Variants in PRKG1 observed in about 807,000 individuals in gnomAD.
The protein encoded by PRKG1 is cGMP-dependent protein kinase 1.
PRKG1 carries 35 observed loss-of-function variants against 88.1 expected under a neutral mutation model. The observed-to-expected ratio is 0.40, with a 90% confidence interval of 0.30 to 0.53. The LOEUF is 0.53. PRKG1 is among the 20% of genes least tolerant of loss of function. PRKG1 has a pLI of 0.59. For synonymous variants in PRKG1, 303 were observed against 292.5 expected (o/e 1.04, Z -0.37); for missense variants, 540 against 839.8 (o/e 0.64, Z 4.41).
chr10:51,931,438 AC>A (rs1241903601), intron 5 of PRKG1, among the ~76,000 whole-genome samples: 1 of 152,076 alleles, frequency 6.6e-6, no homozygotes, highest in East Asian at 1.9e-4. Context: ...ACATAGCGAG[AC>A]CCCCATCGCT....
intron 3 of PRKG1, among the ~76,000 whole-genome samples, chr10:51,506,321 A>C (rs962827661): frequency 1.3e-5 from 2 of 152,080 alleles, no homozygotes; most frequent in East Asian, 1.9e-4. Flanking sequence ...TAATTAAACT[A>C]AAGAGCTTCT....
intron 1 of PRKG1, among the ~76,000 whole-genome samples, chr10:51,088,647 A>C (rs2131860899): frequency 6.6e-6 from 1 of 151,988 alleles, no homozygotes; most frequent in South Asian, 2.1e-4. Context: ...TTTTTTCCAT[A>C]TCCATCAGAG....
At position 52,109,034 on chromosome 10, in the gene PRKG1, G is replaced by T. The variant is rs1039959944; in HGVS notation, c.936-24806G>T. Among the ~76,000 whole-genome samples the T allele has an allele frequency of 2.0e-5, 3 of 151,828 alleles. No homozygotes were observed. In the East Asian group the frequency reaches 5.8e-4, roughly 29 times the overall value. ...GTAGAGACTGGGTTTCACCATATTG[G>T]CCAGGCTGGTCTTGAACTCCTGACC... On this transcript the variant is annotated intron_variant, in intron 7 of 17. Transcript: ENST00000373980.
chr10:52,087,414 C>CT (rs1564463478), intron 7 of PRKG1, among the ~76,000 whole-genome samples: 1 of 152,132 alleles, frequency 6.6e-6, no homozygotes, highest in East Asian at 1.9e-4. Flanking sequence ...GAAAATTTAT[C>CT]TTTTTTTGAG....
intron 3 of PRKG1, among the ~76,000 whole-genome samples, chr10:51,657,235 C>T (rs1840183053): frequency 6.6e-6 from 1 of 152,050 alleles, no homozygotes; most frequent in African/African-American, 2.4e-5. Flanking sequence ...TCTACCTATC[C>T]TTCAAACTCT....
chr10:51,068,965 A>AC (rs1554833555), intron 1 of PRKG1, among the ~76,000 whole-genome samples: 4 of 151,804 alleles, frequency 2.6e-5, no homozygotes, highest in Admixed American at 6.6e-5. Flanking sequence ...ATTTTTCTTG[A>AC]TTTTTTTTCT....
At chr10:51,482,937 C>T (rs1298278679) in intron 3 of PRKG1, among the ~76,000 whole-genome samples, 3 of 151,868 alleles carry the variant, frequency 2.0e-5, no homozygotes, top group East Asian at 3.9e-4. Flanking sequence ...TCTTCCTGTT[C>T]CAGGACAACC....
At chr10:52,179,595 G>A (rs1463665164) in intron 9 of PRKG1, among the ~76,000 whole-genome samples, 1 of 152,102 alleles carries the variant, frequency 6.6e-6, no homozygotes, top group East Asian at 1.9e-4. Flanking sequence ...GAATATATTT[G>A]GGGATCTTCA....
chr10:51,204,496 A>G (rs1452282154), intron 2 of PRKG1, among the ~76,000 whole-genome samples: 1 of 151,734 alleles, frequency 6.6e-6, no homozygotes, highest in African/African-American at 2.4e-5. Context: ...TACTTGTTCT[A>G]TGCTTTTTGT....
At chr10:52,095,408 T>G (rs1847149940) in intron 7 of PRKG1, among the ~76,000 whole-genome samples, 1 of 152,196 alleles carries the variant, frequency 6.6e-6, no homozygotes, top group African/African-American at 2.4e-5. Context: ...TCCATAGTAC[T>G]TATACTTTGA....
chr10:52,007,189 G>C (rs1374035556), intron 5 of PRKG1, among the ~76,000 whole-genome samples: 1 of 152,124 alleles, frequency 6.6e-6, no homozygotes, highest in Non-Finnish European at 1.5e-5. Context: ...ACACAGACAA[G>C]TAAACTATAA....
At chr10:51,000,803 C>T (rs1268559944) in intron 1 of PRKG1, among the ~76,000 whole-genome samples, 1 of 151,672 alleles carries the variant, frequency 6.6e-6, no homozygotes, top group East Asian at 1.9e-4. Context: ...AATAAGGGTA[C>T]ACAAGAAAGT....
chr10:51,496,433 G>T (rs746909559), intron 3 of PRKG1, among the ~76,000 whole-genome samples: 10 of 152,156 alleles, frequency 6.6e-5, no homozygotes, highest in Non-Finnish European at 1.2e-4. Context: ...TTTGTAACCA[G>T]CTCTACAGAG....
chr10:51,627,962 C>CTT (rs1281947383), intron 3 of PRKG1, among the ~76,000 whole-genome samples: 2 of 17,078 alleles, frequency 1.2e-4, no homozygotes, highest in African/African-American at 2.8e-4. Flanking sequence ...TTCTTTCTTT[C>CTT]TTTCTTTCTC....
chr10:51,426,281 A>AAAAT (rs1429835745), intron 2 of PRKG1, among the ~76,000 whole-genome samples: 1 of 152,120 alleles, frequency 6.6e-6, no homozygotes, highest in African/African-American at 2.4e-5. Context: ...ACTCTGTCTC[A>AAAAT]AAATAAATAA....
chr10:51,730,108 T>C (rs1163939244), intron 3 of PRKG1, among the ~76,000 whole-genome samples: 1 of 152,182 alleles, frequency 6.6e-6, no homozygotes, highest in African/African-American at 2.4e-5. Flanking sequence ...TAAAAAGAAC[T>C]CCCTTGTGGT....
intron 4 of PRKG1, among the ~76,000 whole-genome samples, chr10:51,847,039 C>T (rs986606734): frequency 1.1e-4 from 17 of 152,098 alleles, no homozygotes; most frequent in Admixed American, 5.2e-4. Context: ...GTGAGACAGT[C>T]ATGAGAGCTT....
chr10:51,584,799 A>G (rs1028053650), intron 3 of PRKG1, among the ~76,000 whole-genome samples: 1 of 152,136 alleles, frequency 6.6e-6, no homozygotes, highest in Non-Finnish European at 1.5e-5. Flanking sequence ...CAGATAGTTC[A>G]GTTAGGAAGA....
At chr10:52,222,400 G>C (rs1380248087) in intron 9 of PRKG1, among the ~76,000 whole-genome samples, 2 of 152,082 alleles carry the variant, frequency 1.3e-5, no homozygotes, top group African/African-American at 4.8e-5. Context: ...ATAATGACAT[G>C]AATTTCTGCC....
Sources: allele counts gnomAD v4.1 joint callset (sites outside exome capture counted in the v4.1 genomes callset), GRCh38; gene constraint gnomAD v4.1.1; transcripts MANE v1.5; gene names NCBI Gene and HGNC (gene_info 2026-07-23, HGNC 2026-07-21).